Variants in KMT2D observed in about 807,000 individuals in gnomAD.
KMT2D encodes lysine methyltransferase 2D, also known as histone-lysine N-methyltransferase 2D.
A neutral mutation model predicts 512.7 loss-of-function variants in KMT2D; 55 were observed. The ratio of observed to expected loss-of-function variants is 0.11; its 90% CI spans 0.09 to 0.13. KMT2D has a LOEUF of 0.13. Among genes scored for constraint, KMT2D ranks in the 10% least tolerant of loss-of-function variants. The probability of loss-of-function intolerance (pLI) is 1.00; values close to 1 mark genes in which losing one functional copy is unlikely to be tolerated. For synonymous variants in KMT2D, 2,995 were observed against 2,904.0 expected, an observed-to-expected ratio of 1.03 and a Z score of -1.01; for missense variants, 6,061 against 7,127.9, an observed-to-expected ratio of 0.85 and a Z score of 5.39.
chr12:49,024,968 A>G lies in KMT2D; in HGVS notation c.15785-22T>C. On this transcript the variant is annotated intron_variant, in intron 49 of 54. Coordinates refer to ENST00000301067, the MANE Select transcript of KMT2D (RefSeq NM_003482.4). The surrounding 1 kb of genome is among the most constrained non-coding windows in gnomAD (Gnocchi z 4.5). ...ACGGCTAAGAAGCAGGGAAGAGAGCAGTCCTCAGAGGCAACTTCTGCTCAC... is the reference window on the plus strand; with the variant it reads ...ACGGCTAAGAAGCAGGGAAGAGAGCGGTCCTCAGAGGCAACTTCTGCTCAC... 1 of 1,577,508 alleles carries G rather than the reference A, an allele frequency of 6.3e-7. No individual in the cohort carries two copies. The highest frequency in any genetic ancestry group is 8.6e-7 in the Non-Finnish European group (1 of 1,161,468).
chr12:49,038,973 A>G lies in KMT2D; in HGVS notation c.8383T>C (p.Ser2795Pro), dbSNP rs750054193. The G allele has an allele frequency of 6.4e-7, 1 of 1,551,790 alleles. No individual in the cohort carries two copies. The highest frequency in any genetic ancestry group is 1.2e-5 in the South Asian group (1 of 84,104). Residue 2795 changes from serine to proline, a missense_variant, in exon 35 of 55, where the codon TCC (serine) becomes CCC (proline). Physicochemically the swap from Ser to Pro is moderately conservative, Grantham distance 74. Around this residue, in one of 16 missense-constraint regions of KMT2D, gnomAD observed 527 missense variants for 578.9 expected, o/e 0.91. Coordinates refer to ENST00000301067, the MANE Select transcript of KMT2D (RefSeq NM_003482.4). The surrounding 1 kb of genome is among the most constrained non-coding windows in gnomAD (Gnocchi z 5.7). The part of the protein sequence containing the change: ...DVNSRQLVGG[S>P]QAFYQRAPYP... Reference sequence around the variant, plus strand: ...GGTGCTCGCTGATAGAAAGCTTGGGAGCCTCCTACCAGTTGCCTGGAAGAA... The same window carrying G: ...GGTGCTCGCTGATAGAAAGCTTGGGGGCCTCCTACCAGTTGCCTGGAAGAA...
chr12:49,020,286 G>T lies in KMT2D; in HGVS notation c.*1494C>A, dbSNP rs1942249312. ...ATCTTACAGCAGTCACAGCCAGGGG[G>T]TGGGGAGTGGGGTGGGGGGTGAGGA... On this transcript the variant is annotated 3_prime_UTR_variant, in exon 55 of 55. Coordinates refer to ENST00000301067, the MANE Select transcript of KMT2D (RefSeq NM_003482.4). 1 of 173,456 alleles carries T rather than the reference G, an allele frequency of 5.8e-6. No homozygotes were observed. The highest frequency in any genetic ancestry group is 1.0e-4 in the East Asian group (1 of 9,638). 10.7% of individuals were successfully genotyped at this position (173,456 alleles called of 1,614,324 possible).
rs368444299 is a variant in KMT2D at position 49,034,691 on chromosome 12, A to G, written c.10356-25T>C. On this transcript the variant is annotated intron_variant, in intron 36 of 54. Coordinates refer to ENST00000301067, the MANE Select transcript of KMT2D (RefSeq NM_003482.4). ...TCTGGAGTCCACCAAAGCACAGAAG[A>G]TAAGTGTTGGCAATAAGAAAGTTGG... 7.4e-5 allele frequency: 119 copies of G among 1,610,224 alleles called. 1 individual carries two copies. In the African/African-American group the frequency reaches 1.2e-3, roughly 17 times the overall value.
chr12:49,041,269 C>T lies in KMT2D; in HGVS notation c.6501G>A (p.Val2167=), dbSNP rs751139032. Residue 2167 remains valine (V), a synonymous_variant, in exon 32 of 55, where the codon GTG becomes GTA. Coordinates refer to ENST00000301067, the MANE Select transcript of KMT2D (RefSeq NM_003482.4). The surrounding 1 kb of genome is among the most constrained non-coding windows in gnomAD (Gnocchi z 5.4). ...GGTCCTGCGAAGGCACTTGGGCGGG[C>T]ACCTGGGGTGGGAGCTTGAGGAAGA... is the stretch of plus-strand genomic sequence containing the variant. ...GELFLKLPPQ[V]PAQVPSQDPF... 13 of 1,518,742 alleles carry T rather than the reference C, an allele frequency of 8.6e-6. No individual in the cohort carries two copies. The highest frequency in any genetic ancestry group is 1.1e-5 in the Non-Finnish European group (13 of 1,137,350). The allele number at this position is 1,518,742 out of a possible 1,614,324, so 94.1% of individuals were successfully genotyped here.
chr12:49,060,542 G>A lies in KMT2D; in HGVS notation c.-967C>T, dbSNP rs1938689621. On this transcript the variant is annotated 5_prime_UTR_variant, in exon 1 of 55. Coordinates refer to ENST00000301067, the MANE Select transcript of KMT2D (RefSeq NM_003482.4). ...AAACTGAGCGGAAAGTGGGGAACGAGGCAGCCATTTGCAACCGGAGAGGAA... is the reference window on the plus strand; with the variant it reads ...AAACTGAGCGGAAAGTGGGGAACGAAGCAGCCATTTGCAACCGGAGAGGAA... Among the ~76,000 whole-genome samples, 1 of 152,242 alleles carries A rather than the reference G, an allele frequency of 6.6e-6. No homozygotes were observed. The highest frequency in any genetic ancestry group is 1.5e-5 in the Non-Finnish European group (1 of 68,048).
chr12:49,027,992 T>C lies in KMT2D; in HGVS notation c.14515+17A>G, dbSNP rs1464627222. On this transcript the variant is annotated intron_variant, in intron 47 of 54. Transcript: ENST00000301067. ...TCACTCCCCTCAAGTCCCAAAGGGC[T>C]TCCCTGCCACACTCACCAGGACCCT... is the stretch of plus-strand genomic sequence containing the variant. 6.2e-7 allele frequency: 1 copy of C among 1,613,372 alleles called. No individual in the cohort carries two copies. The highest frequency in any genetic ancestry group is 8.5e-7 in the Non-Finnish European group (1 of 1,179,478).
At chr12:49,056,305 G>A (rs891460821) in intron 1 of KMT2D, among the ~76,000 whole-genome samples, 5 of 152,164 alleles carry the variant, frequency 3.3e-5, no homozygotes, top group African/African-American at 7.2e-5. Context: ...ACATGGGGGT[G>A]GGGAATAACG....
intron 9 of KMT2D, 98 bp downstream of exon 9, chr12:49,052,808 CCCACCTTAG>C: frequency 6.3e-7 from 1 of 1,581,850 alleles, no homozygotes; most frequent in Non-Finnish European, 8.6e-7. Context: ...GATGGCACTG[CCCACCTTAG>C]GGCTCTCCTC....
rs1344795854 is a variant in KMT2D, at chr12:49,041,155, G to A, written c.6615C>T (p.Ala2205=). Residue 2205 remains alanine (A), a synonymous_variant, in exon 32 of 55, where the codon GCC becomes GCT. Transcript: ENST00000301067. The surrounding 1 kb of genome is among the most constrained non-coding windows in gnomAD (Gnocchi z 5.4). ...CGCCCAGCATCGGGGGCTGCGCAGG[G>A]GCCCCCGTAGGACTAGGATAGGGGG... ...TYPPYPSPTG[A]PAQPPMLGAS... is the part of the protein sequence containing the mutation. The A allele has an allele frequency of 1.3e-6, 2 of 1,522,318 alleles. No homozygotes were observed. Among genetic ancestry groups the A allele is most frequent in the Non-Finnish European group, 1.8e-6 (2 of 1,138,650 alleles). The allele number at this position is 1,522,318 out of a possible 1,614,324, so 94.3% of individuals were successfully genotyped here. A position where few individuals can be genotyped will look rare whatever the true frequency, so the allele number is the denominator to read the frequency against.
chr12:49,041,400 T>C lies in KMT2D; in HGVS notation c.6370A>G (p.Ile2124Val), dbSNP rs749989823. The C allele has an allele frequency of 1.3e-6, 2 of 1,589,812 alleles. No homozygotes were observed. Among genetic ancestry groups the C allele is most frequent in the Non-Finnish European group, 1.7e-6 (2 of 1,168,044 alleles). Reference protein sequence around the residue: ...GSPPPAAAPTIFIGSPTTPAG... With the variant: ...GSPPPAAAPTVFIGSPTTPAG... ...GGGGTAGTGGGGCTGCCAATGAAAATGGTGGGGGCAGCAGCGGGGGGCGGG... is the reference window on the plus strand; with the variant it reads ...GGGGTAGTGGGGCTGCCAATGAAAACGGTGGGGGCAGCAGCGGGGGGCGGG... The change falls in exon 32 of 55, where the codon ATT (isoleucine) becomes GTT (valine). Residue 2124 changes from isoleucine (I) to valine (V), a missense_variant. Transcript: ENST00000301067. The surrounding 1 kb of genome is among the most constrained non-coding windows in gnomAD (Gnocchi z 5.4).
In KMT2D at chr12:49,042,038, T is replaced by A; in HGVS notation, c.6110-48A>T. The A allele has an allele frequency of 6.2e-7, 1 of 1,611,622 alleles. No individual in the cohort carries two copies. The highest frequency in any genetic ancestry group is 1.7e-5 in the Admixed American group (1 of 59,894). ...CAGAGAAGACTTGGCAGGCGACTCC[T>A]CCACCTGCCATGTTGCCAGGCTGTC... On this transcript the variant is annotated intron_variant, in intron 29 of 54. Coordinates refer to ENST00000301067, the MANE Select transcript of KMT2D (RefSeq NM_003482.4). The surrounding 1 kb of genome is among the most constrained non-coding windows in gnomAD (Gnocchi z 4.4).
rs372093782 is a variant in KMT2D at position 49,040,555 on chromosome 12, G to C, written c.7215C>G (p.Ser2405=). The change falls in exon 32 of 55, where the codon TCC becomes TCG. Residue 2405 remains serine, a synonymous_variant. Transcript: ENST00000301067. ...TGGCAGGCACTCGGGAGAAAGGGTC[G>C]GAGGGCAGTGAGCGAGGGGGCAGAG... ...CCALPPRSLP[S]DPFSRVPASP... is the part of the protein sequence containing the mutation. 3.1e-6 allele frequency: 5 copies of C among 1,611,726 alleles called. No homozygotes were observed. Among genetic ancestry groups the C allele is most frequent in the Non-Finnish European group, 4.2e-6 (5 of 1,178,504 alleles).
rs1002031876 is a variant in KMT2D at position 49,019,140 on chromosome 12, G to A, written c.*2640C>T. ...GGGGCGCTGAGGGTGGAGGGAGAGA[G>A]GGCGCTTTAAAAAAGGGAACCATTT... On this transcript the variant is annotated 3_prime_UTR_variant, in exon 55 of 55. Transcript: ENST00000301067. 1.9e-5 allele frequency: 22 copies of A among 1,135,194 alleles called. No individual in the cohort carries two copies. Among genetic ancestry groups the A allele is most frequent in the Non-Finnish European group, 2.4e-5 (22 of 921,484 alleles). The allele number at this position is 1,135,194 out of a possible 1,614,324, so 70.3% of individuals were successfully genotyped here.
At position 49,043,683 on chromosome 12, in the gene KMT2D, T is replaced by G. The variant is rs2120571848; in HGVS notation, c.5419A>C (p.Lys1807Gln). ...PSFGLGTPKA[K>Q]GDGGSERKEL... ...TTCCTTTCTGAGCCTCCATCTCCCT[T>G]GGCTTTTGGGGTCCCTAGTCCAAAG... Residue 1807 changes from lysine (K) to glutamine (Q), a missense_variant, in exon 24 of 55, where the codon AAG becomes CAG. Lys to Gln is a moderately conservative substitution (Grantham distance 53, BLOSUM62 1). Coordinates refer to ENST00000301067, the MANE Select transcript of KMT2D (RefSeq NM_003482.4). 1.2e-6 allele frequency: 2 copies of G among 1,614,044 alleles called. No homozygotes were observed. The highest frequency in any genetic ancestry group is 2.2e-5 in the South Asian group (2 of 91,086).
Position 49,033,323 on chromosome 12 carries a change from T to C in KMT2D, c.11382A>G (p.Pro3794=), listed in dbSNP as rs1408888051. Residue 3794 remains proline (P), a synonymous_variant, in exon 40 of 55, where the codon CCA becomes CCG. Coordinates refer to ENST00000301067, the MANE Select transcript of KMT2D (RefSeq NM_003482.4). ...GLLVQQLSPQ[P]PQGPQGMLGP... ...CCAGCATGCCCTGGGGCCCCTGGGG[T>C]GGTTGAGGGGACAGCTGCTGGACCA... 1 of 1,592,344 alleles carries C rather than the reference T, an allele frequency of 6.3e-7. No individual in the cohort carries two copies.
Position 49,022,188 on chromosome 12 carries a change from T to C in KMT2D, c.16413-37A>G, listed in dbSNP as rs1266289553. On this transcript the variant is annotated intron_variant, in intron 53 of 54. Coordinates refer to ENST00000301067, the MANE Select transcript of KMT2D (RefSeq NM_003482.4). The surrounding 1 kb of genome is among the most constrained non-coding windows in gnomAD (Gnocchi z 8.6). ...GACAGAGTCAGGGATGTCAGGCAAC[T>C]AACTTGGGACAATTTTGATTCCTTG... is the stretch of plus-strand genomic sequence containing the variant. The C allele has an allele frequency of 6.2e-7, 1 of 1,606,022 alleles. No homozygotes were observed. Among genetic ancestry groups the C allele is most frequent in the East Asian group, 2.2e-5 (1 of 44,828 alleles).
At chr12:49,058,997 A>T (rs1592168287) in intron 1 of KMT2D, among the ~76,000 whole-genome samples, 1 of 145,902 alleles carries the variant, frequency 6.9e-6, no homozygotes, top group South Asian at 2.1e-4. Context: ...GTTGAACAGC[A>T]GGGCCAGAAC....
rs2120502170 is a variant in KMT2D, at chr12:49,038,676, G to A, written c.8680C>T (p.Pro2894Ser). The change falls in exon 35 of 55, where the codon CCG becomes TCG. Residue 2894 changes from proline (P) to serine (S), a missense_variant. Around this residue, in one of 16 missense-constraint regions of KMT2D, gnomAD observed 527 missense variants for 578.9 expected, o/e 0.91. Coordinates refer to ENST00000301067, the MANE Select transcript of KMT2D (RefSeq NM_003482.4). The surrounding 1 kb of genome is among the most constrained non-coding windows in gnomAD (Gnocchi z 5.7). Reference protein sequence around the residue: ...VQKGLGPGGTPFPGQGPPQRP... With the variant: ...VQKGLGPGGTSFPGQGPPQRP... The stretch of plus-strand genomic sequence containing the variant: ...TGAGGTGGGCCCTGACCAGGAAACG[G>A]AGTGCCCCCAGGTCCCAGTCCTTTC... The A allele has an allele frequency of 6.2e-7, 1 of 1,612,888 alleles. No individual in the cohort carries two copies. Among genetic ancestry groups the A allele is most frequent in the Non-Finnish European group, 8.5e-7 (1 of 1,179,738 alleles).
In KMT2D at chr12:49,040,269, C is replaced by T. The variant is rs2120525552; in HGVS notation, c.7501G>A (p.Gly2501Arg). 1 of 1,610,344 alleles carries T rather than the reference C, an allele frequency of 6.2e-7. No homozygotes were observed. The highest frequency in any genetic ancestry group is 1.1e-5 in the South Asian group (1 of 90,728). ...AGGFPAALPA[G>R]PAGELHAKVP... The stretch of plus-strand genomic sequence containing the variant: ...TTGGCATGGAGCTCACCTGCTGGCC[C>T]CGCGGGCAGGGCTGCTGGGAACCCC... Residue 2501 changes from glycine (G) to arginine (R), a missense_variant, in exon 32 of 55, where the codon GGG becomes AGG. Coordinates refer to ENST00000301067, the MANE Select transcript of KMT2D (RefSeq NM_003482.4).
Sources: allele counts gnomAD v4.1 joint callset (sites outside exome capture counted in the v4.1 genomes callset), GRCh38; gene constraint gnomAD v4.1.1; regional missense constraint gnomAD v4.1.1; non-coding constraint Gnocchi (gnomAD v3.1); transcripts MANE v1.5; gene names NCBI Gene and HGNC (gene_info 2026-07-23, HGNC 2026-07-21).